The following COL6A6 variants were observed in gnomAD, a reference collection of about 807,000 sequenced individuals.
COL6A6 encodes the protein collagen type VI alpha 6 chain.
COL6A6 carries 183 observed loss-of-function variants against 208.6 expected under a neutral mutation model. The ratio of observed to expected loss-of-function variants is 0.88; its 90% CI spans 0.78 to 0.99. The LOEUF (loss-of-function observed/expected upper bound fraction) is 0.99, where lower values mean the gene tolerates loss of function less well. Ranked by LOEUF, COL6A6 falls within the 50% of genes least tolerant of loss-of-function variation. The probability of loss-of-function intolerance (pLI) is 0.00; values close to 1 mark genes in which losing one functional copy is unlikely to be tolerated. For missense variants in COL6A6, 2,816 were observed against 2,815.2 expected (o/e 1.00, Z -0.01); for synonymous variants, 973 against 1,011.8 (o/e 0.96, Z 0.73).
Position 130,592,565 on chromosome 3 carries a change from G to C in COL6A6, c.4297G>C (p.Val1433Leu). The C allele has an allele frequency of 6.2e-7, 1 of 1,610,182 alleles. No individual in the cohort carries two copies. Among genetic ancestry groups the C allele is most frequent in the Non-Finnish European group, 8.5e-7 (1 of 1,177,554 alleles). The change falls in exon 14 of 37, where the codon GTG (valine) becomes CTG (leucine). Residue 1433 changes from valine (V) to leucine (L), a missense_variant. Transcript: ENST00000358511. ...GGGAGAAAGAGGAGCCCCTGGACCA[G>C]TGGGAGAGCAAGGTACTAAGGGATG... ...IAGERGAPGP[V>L]GEQGTKGCYG... is the part of the protein sequence containing the mutation.
intron 1 of COL6A6, among the ~76,000 whole-genome samples, chr3:130,531,056 A>AGTCTCTCTCTCTCTCTCTCTCTCT (rs1294781159): frequency 5.3e-4 from 15 of 28,046 alleles, no homozygotes; most frequent in African/African-American, 1.1e-3. Context: ...ACACACACAC[A>AGTCTCTCTCTCTCTCTCTCTCTCT]CACAGTCTCT....
intron 33 of COL6A6, 80 bp downstream of exon 33, chr3:130,649,642 A>G (rs1576397138): frequency 1.4e-6 from 2 of 1,383,026 alleles, no homozygotes; most frequent in East Asian, 5.0e-5. Context: ...CCTTGCCTTC[A>G]AAATCAGGGC....
intron 36 of COL6A6, among the ~76,000 whole-genome samples, chr3:130,670,328 G>A (rs1364563724): frequency 4.6e-5 from 7 of 152,226 alleles, no homozygotes; most frequent in Admixed American, 3.9e-4. Flanking sequence ...CACCAAGTCA[G>A]GCTAAGTGCT....
intron 35 of COL6A6, among the ~76,000 whole-genome samples, chr3:130,663,392 A>G (rs1446755695): frequency 6.6e-6 from 1 of 152,120 alleles, no homozygotes; most frequent in Non-Finnish European, 1.5e-5. Flanking sequence ...ACTCATATGT[A>G]TATTATGGTT....
chr3:130,611,533 C>T (rs948754107), intron 23 of COL6A6, among the ~76,000 whole-genome samples: 1 of 152,190 alleles, frequency 6.6e-6, no homozygotes, highest in East Asian at 1.9e-4. Flanking sequence ...TCCCTAGAGT[C>T]CAGAATATCA....
Position 130,574,082 on chromosome 3 carries a change from A to G in COL6A6, c.3104A>G (p.Asn1035Ser). Residue 1035 changes from asparagine to serine, a missense_variant, in exon 8 of 37, where the codon AAC becomes AGC. Asn to Ser is a conservative substitution (Grantham distance 46). Coordinates refer to ENST00000358511, the MANE Select transcript of COL6A6 (RefSeq NM_001102608.3). ...GTTCAAGACTTTGATGTCAGCCTCA[A>G]CAGAGTGCGAATAGGAGCGGCCCAG... The part of the protein sequence containing the change: ...SVVQDFDVSL[N>S]RVRIGAAQFS... 6.2e-7 allele frequency: 1 copy of G among 1,613,990 alleles called. No individual in the cohort carries two copies. Among genetic ancestry groups the G allele is most frequent in the South Asian group, 1.1e-5 (1 of 91,082 alleles).
At position 130,517,367 on chromosome 3, in the gene COL6A6, G is replaced by A. The variant is rs1171994588; in HGVS notation, c.-62G>A. 6.6e-6 allele frequency among the ~76,000 whole-genome samples: 1 copy of A among 152,250 alleles called. No individual in the cohort carries two copies. Among genetic ancestry groups the A allele is most frequent in the African/African-American group, 2.4e-5 (1 of 41,472 alleles). ...ATCCGCCCCGGGCTTTCGAAGTGCA[G>A]GGCTGGGGGCTGCATGGAAGTTTCC... On this transcript the variant is annotated 5_prime_UTR_variant, in exon 1 of 37. Coordinates refer to ENST00000358511, the MANE Select transcript of COL6A6 (RefSeq NM_001102608.3).
intron 28 of COL6A6, among the ~76,000 whole-genome samples, chr3:130,637,670 C>T (rs985825352): frequency 6.6e-6 from 1 of 152,114 alleles, no homozygotes; most frequent in East Asian, 1.9e-4. Context: ...CTGAATGCTT[C>T]GTCAGTTCTC....
At chr3:130,543,928 A>G (rs1334788705) in intron 1 of COL6A6, among the ~76,000 whole-genome samples, 4 of 152,154 alleles carry the variant, frequency 2.6e-5, no homozygotes, top group Non-Finnish European at 5.9e-5. Flanking sequence ...TTTATTGTGT[A>G]TTTTTAAGAT....
intron 26 of COL6A6, among the ~76,000 whole-genome samples, chr3:130,631,060 G>C (rs2064996855): frequency 9.2e-5 from 1 of 10,906 alleles, no homozygotes; most frequent in Non-Finnish European, 1.3e-4. Context: ...GAGCAGAACT[G>C]AAGGAAATAG....
intron 21 of COL6A6, among the ~76,000 whole-genome samples, chr3:130,608,298 C>G (rs1194339911): frequency 1.3e-5 from 2 of 152,076 alleles, no homozygotes; most frequent in Non-Finnish European, 2.9e-5. Context: ...AAATTTTTTT[C>G]TGATTTCTAG....
At chr3:130,540,647 C>G (rs2062341090) in intron 1 of COL6A6, among the ~76,000 whole-genome samples, 1 of 152,150 alleles carries the variant, frequency 6.6e-6, no homozygotes, top group African/African-American at 2.4e-5. Flanking sequence ...CCCTAATGCT[C>G]TCCTCCCTGA....
chr3:130,600,927 G>GTC (rs1340947365), intron 20 of COL6A6, among the ~76,000 whole-genome samples: 2 of 152,116 alleles, frequency 1.3e-5, no homozygotes, highest in Non-Finnish European at 1.5e-5. Flanking sequence ...GTCAGTCCTG[G>GTC]TATAGGCATA....
chr3:130,614,911 A>G (rs888722669), intron 23 of COL6A6, among the ~76,000 whole-genome samples: 1 of 151,156 alleles, frequency 6.6e-6, no homozygotes, highest in African/African-American at 2.4e-5. Context: ...CTTTTTTTGT[A>G]TTGGTCTAGC....
intron 1 of COL6A6, among the ~76,000 whole-genome samples, chr3:130,533,890 C>G (rs1279181557): frequency 6.6e-6 from 1 of 152,166 alleles, no homozygotes; most frequent in Non-Finnish European, 1.5e-5. Context: ...GCATGTAGAT[C>G]TAAAGTATTC....
Position 130,675,370 on chromosome 3 carries a change from AG to A in COL6A6, c.6766del (p.Glu2256LysfsTer30), listed in dbSNP as rs2066333685. Reference sequence around the variant, plus strand: ...ATACCTTTAAGAATGGAAGGATGATAGAAAGTGCTCCCAAACAACATGATTA... The same window carrying A: ...ATACCTTTAAGAATGGAAGGATGATAAAAGTGCTCCCAAACAACATGATTA... ...SHTFKNGRMI[E>X]SAPKQHD is the part of the protein sequence containing the mutation. On this transcript the variant is annotated frameshift_variant, in exon 37 of 37. Coordinates refer to ENST00000358511, the MANE Select transcript of COL6A6 (RefSeq NM_001102608.3). LOFTEE classifies it low-confidence loss of function (END_TRUNC). The A allele has an allele frequency of 6.3e-7, 1 of 1,592,952 alleles. No individual in the cohort carries two copies. The highest frequency in any genetic ancestry group is 8.5e-7 in the Non-Finnish European group (1 of 1,170,086).
intron 36 of COL6A6, among the ~76,000 whole-genome samples, chr3:130,665,701 A>G (rs1344299978): frequency 6.6e-6 from 1 of 152,224 alleles, no homozygotes; most frequent in Non-Finnish European, 1.5e-5. Context: ...TCTCTATACA[A>G]GAATGCTAGC....
intron 1 of COL6A6, among the ~76,000 whole-genome samples, chr3:130,522,247 T>A (rs1365749259): frequency 6.6e-6 from 1 of 152,180 alleles, no homozygotes; most frequent in Non-Finnish European, 1.5e-5. Flanking sequence ...TTGTTTAACT[T>A]GTATCTTATT....
chr3:130,672,684 G>A (rs897523188), intron 36 of COL6A6, among the ~76,000 whole-genome samples: 1 of 151,570 alleles, frequency 6.6e-6, no homozygotes, highest in African/African-American at 2.4e-5. Flanking sequence ...GATTACAGGC[G>A]TGAGCCACCG....
Sources: allele counts gnomAD v4.1 joint callset (sites outside exome capture counted in the v4.1 genomes callset), GRCh38; gene constraint gnomAD v4.1.1; transcripts MANE v1.5; gene names NCBI Gene and HGNC (gene_info 2026-07-23, HGNC 2026-07-21).